Variants in TXNRD1 observed in about 807,000 individuals in gnomAD.
TXNRD1 encodes thioredoxin reductase 1, also known as thioredoxin reductase 1, cytoplasmic.
Under a neutral mutation model 80.3 loss-of-function variants are expected in TXNRD1, and 57 were observed. The observed-to-expected ratio is 0.71, with a 90% CI of 0.57 to 0.89. TXNRD1 has a LOEUF of 0.89. TXNRD1 is among the 40% of genes least tolerant of loss of function. TXNRD1 has a pLI of 0.00. For missense variants in TXNRD1, 730 were observed against 803.0 expected, an observed-to-expected ratio of 0.91 and a Z score of 1.10; for synonymous variants, 291 against 285.2, an observed-to-expected ratio of 1.02 and a Z score of -0.20.
At chr12:104,304,399 AAAGG>A (rs2135786869) in intron 4 of TXNRD1, 1 of 1,614,046 alleles carries the variant, frequency 6.2e-7, no homozygotes, top group Non-Finnish European at 8.5e-7. Context: ...AGGCAATAGA[AAAGG>A]AAGCAACATC....
Position 104,215,906 on chromosome 12 carries a change from G to A in TXNRD1, c.91+13G>A, listed in dbSNP as rs761029587. 1 of 1,548,408 alleles carries A rather than the reference G, an allele frequency of 6.5e-7. No homozygotes were observed. Among genetic ancestry groups the A allele is most frequent in the South Asian group, 1.2e-5 (1 of 83,960 alleles). On this transcript the variant is annotated intron_variant, in intron 1 of 16. Transcript: ENST00000525566. ...CGCCGTAGGTCAGGTACGACCGAGG[G>A]CGAAGGCCTGGTCCCCAGGTCGACG...
intron 3 of TXNRD1, among the ~76,000 whole-genome samples, chr12:104,262,132 T>C (rs1048345645): frequency 6.7e-6 from 1 of 149,280 alleles, no homozygotes; most frequent in Non-Finnish European, 1.5e-5. Context: ...CTCAGGAGGC[T>C]GAGGCAGGAG....
chr12:104,321,312 T>C lies in TXNRD1; in HGVS notation c.1211T>C (p.Ile404Thr). ...GIKFIRQFVP[I>T]KVEQIEAGTP... is the part of the protein sequence containing the mutation. ...AAGTTTATAAGACAGTTCGTACCAA[T>C]TAAAGTAAGTGGGTTTGCCTGTAGG... The change falls in exon 10 of 17, where the codon ATT (isoleucine) becomes ACT (threonine). Residue 404 changes from isoleucine to threonine, a missense_variant. Physicochemically the swap from Ile to Thr is moderately conservative, Grantham distance 89 (BLOSUM62 -1). Transcript: ENST00000525566. The C allele has an allele frequency of 6.2e-7, 1 of 1,613,476 alleles. No individual in the cohort carries two copies. The highest frequency in any genetic ancestry group is 8.5e-7 in the Non-Finnish European group (1 of 1,179,454).
At chr12:104,295,557 TCCCTCAC>T (rs913861599) in intron 4 of TXNRD1, among the ~76,000 whole-genome samples, 2 of 152,292 alleles carry the variant, frequency 1.3e-5, no homozygotes, top group Admixed American at 1.3e-4. Flanking sequence ...CCTGCTCTGC[TCCCTCAC>T]TTACTGGAGG....
intron 1 of TXNRD1, among the ~76,000 whole-genome samples, chr12:104,228,882 G>T (rs1029294093): frequency 6.6e-6 from 1 of 151,694 alleles, no homozygotes; most frequent in Non-Finnish European, 1.5e-5. Context: ...ACCACACCTG[G>T]CTAATTTTTG....
intron 3 of TXNRD1, among the ~76,000 whole-genome samples, chr12:104,262,104 C>T (rs1039909466): frequency 1.3e-5 from 2 of 151,788 alleles, no homozygotes; most frequent in Non-Finnish European, 2.9e-5. Flanking sequence ...TGGTGGTGGG[C>T]GCCTATTATC....
chr12:104,300,525 G>A (rs768030655), intron 4 of TXNRD1, among the ~76,000 whole-genome samples: 20 of 152,136 alleles, frequency 1.3e-4, no homozygotes, highest in Non-Finnish European at 2.2e-4. Context: ...ATAATTATTA[G>A]TAGCACTTGG....
intron 3 of TXNRD1, chr12:104,265,263 A>C (rs7973318): frequency 0.61 from 874,495 of 1,434,426 alleles, 238,575 homozygotes; most frequent in East Asian, 0.62. Context: ...AAAAAAAAAA[A>C]AAAAAACTTC....
intron 4 of TXNRD1, among the ~76,000 whole-genome samples, chr12:104,295,011 A>C (rs942032106): frequency 2.6e-5 from 4 of 152,198 alleles, no homozygotes; most frequent in Non-Finnish European, 5.9e-5. Context: ...ATTAAAGTTG[A>C]GGCCTGAGGA....
intron 1 of TXNRD1, among the ~76,000 whole-genome samples, chr12:104,248,676 A>G (rs902363065): frequency 6.6e-6 from 1 of 152,200 alleles, no homozygotes; most frequent in African/African-American, 2.4e-5. Context: ...AGTCTTGGTT[A>G]TTCAGATGCA....
At chr12:104,323,200 C>T (rs1047845354) in intron 10 of TXNRD1, among the ~76,000 whole-genome samples, 4 of 124,038 alleles carry the variant, frequency 3.2e-5, no homozygotes, top group African/African-American at 1.3e-4. Flanking sequence ...CCCATGTCTA[C>T]TTCTTTCTAC....
chr12:104,265,521 C>G, intron 3 of TXNRD1: 5 of 1,610,814 alleles, frequency 3.1e-6, no homozygotes, highest in Non-Finnish European at 4.2e-6. Context: ...TTGAGAAGTC[C>G]CCCCTGCGGG....
chr12:104,331,731 A>C, intron 14 of TXNRD1, 90 bp downstream of exon 14: 1 of 843,256 alleles, frequency 1.2e-6, no homozygotes, highest in Non-Finnish European at 1.9e-6. Flanking sequence ...AAAATAGTAC[A>C]AAGCATTTTC....
chr12:104,305,885 C>T (rs2034892076), intron 4 of TXNRD1, among the ~76,000 whole-genome samples: 1 of 152,128 alleles, frequency 6.6e-6, no homozygotes, highest in Non-Finnish European at 1.5e-5. Context: ...ATATTTGTCC[C>T]ACTTTAATTT....
intron 16 of TXNRD1, among the ~76,000 whole-genome samples, chr12:104,345,004 CATATTCTGTGGGGAATGTG>C (rs979627046): frequency 2.6e-5 from 4 of 152,326 alleles, no homozygotes; most frequent in Admixed American, 6.5e-5. Context: ...ATCGTCCAGA[CATATTCTGTGGGGAATGTG>C]ATATTCTGTG....
intron 15 of TXNRD1, among the ~76,000 whole-genome samples, chr12:104,338,460 C>T (rs1242218328): frequency 2.0e-5 from 3 of 151,302 alleles, no homozygotes; most frequent in African/African-American, 4.8e-5. Context: ...TTTGGGAGGC[C>T]GAGGTGCGTG....
chr12:104,229,144 CTTTTTT>C (rs56077479), intron 1 of TXNRD1, among the ~76,000 whole-genome samples: 2 of 106,082 alleles, frequency 1.9e-5, no homozygotes, highest in Non-Finnish European at 1.8e-5. Context: ...CATTACTTTT[CTTTTTT>C]TTTTTTTTTT....
Position 104,319,131 on chromosome 12 carries a change from A to C in TXNRD1, c.873+76A>C, listed in dbSNP as rs1258575281. 2.0e-6 allele frequency: 3 copies of C among 1,492,648 alleles called. No homozygotes were observed. In the African/African-American group the frequency reaches 4.3e-5, roughly 21 times the overall value. The allele number at this position is 1,492,648 out of a possible 1,614,324, so 92.5% of individuals were successfully genotyped here. The stretch of plus-strand genomic sequence containing the variant: ...TAAAAGCTTTGGTTAGAAAATGTTA[A>C]AGTATTATAATAAAAGTAATAGCCA... On this transcript the variant is annotated intron_variant, in intron 8 of 16. Transcript: ENST00000525566.
chr12:104,275,016 G>A (rs947870281), intron 3 of TXNRD1, among the ~76,000 whole-genome samples: 6 of 152,210 alleles, frequency 3.9e-5, no homozygotes, highest in Non-Finnish European at 7.3e-5. Flanking sequence ...ACTAGCATGT[G>A]CATATTACGC....
Sources: allele counts gnomAD v4.1 joint callset (sites outside exome capture counted in the v4.1 genomes callset), GRCh38; gene constraint gnomAD v4.1.1; transcripts MANE v1.5; gene names NCBI Gene and HGNC (gene_info 2026-07-23, HGNC 2026-07-21).